Variants in CPAMD8 observed in about 807,000 individuals in gnomAD.
The protein encoded by CPAMD8 is C3 and PZP-like alpha-2-macroglobulin domain-containing protein 8.
Under a neutral mutation model 224.7 loss-of-function variants are expected in CPAMD8, and 146 were observed. The observed-to-expected ratio is 0.65, with a 90% CI of 0.57 to 0.75. CPAMD8 has a LOEUF of 0.75. CPAMD8 is among the 30% of genes least tolerant of loss of function. The pLI, the probability that CPAMD8 is intolerant of heterozygous loss-of-function variation, is 0.00. For synonymous variants in CPAMD8, 966 were observed against 1,044.6 expected (o/e 0.92, Z 1.45); for missense variants, 2,301 against 2,537.5 (o/e 0.91, Z 2.00).
rs1306280714 is a variant in CPAMD8 at position 16,970,912 on chromosome 19, G to A, written c.2192C>T (p.Ala731Val). ...TTACCTGGGGGGGTGCCTGGAAGGA[G>A]CCACTGCCACCAGGCTCCCTGTGTG... The part of the protein sequence containing the change: ...QPHTGSLVAV[A>V]PSRHPPRTEK... The change falls in exon 18 of 42, where the codon GCT (alanine) becomes GTT (valine). Residue 731 changes from alanine to valine, a missense_variant. By Grantham distance (64) the Ala-to-Val change is moderately conservative. Around this residue, in one of 4 missense-constraint regions of CPAMD8, gnomAD observed 1,709 missense variants for 1,753.2 expected, o/e 0.97. Coordinates refer to ENST00000443236, the MANE Select transcript of CPAMD8 (RefSeq NM_015692.5). 5.6e-6 allele frequency: 9 copies of A among 1,613,708 alleles called. No homozygotes were observed. Among genetic ancestry groups the A allele is most frequent in the African/African-American group, 4.0e-5 (3 of 74,922 alleles).
intron 41 of CPAMD8, chr19:16,895,923 AC>A (rs2051951866): frequency 1.7e-6 from 1 of 594,772 alleles, no homozygotes; most frequent in African/African-American, 2.0e-5. Context: ...ACACACACAC[AC>A]ACACGCGCGC....
chr19:16,990,980 GA>G (rs2055929029), intron 12 of CPAMD8, among the ~76,000 whole-genome samples: 1 of 151,784 alleles, frequency 6.6e-6, no homozygotes, highest in African/African-American at 2.4e-5. Flanking sequence ...CCAGTTGTGT[GA>G]TTAGATGGCT....
intron 18 of CPAMD8, 41 bp from the exon 19 acceptor site, chr19:16,957,956 A>G (rs916592009): frequency 6.4e-6 from 10 of 1,573,428 alleles, no homozygotes; most frequent in South Asian, 2.2e-5. Context: ...TTTCATGAAC[A>G]TAACAAATCT....
chr19:16,916,766 G>GATAAA (rs1465916666), intron 27 of CPAMD8, among the ~76,000 whole-genome samples: 34 of 151,894 alleles, frequency 2.2e-4, no homozygotes, highest in African/African-American at 7.7e-4. Context: ...TAAATAAATA[G>GATAAA]ATAAAATAAA....
In CPAMD8 at chr19:16,952,173, A is replaced by C; in HGVS notation, c.2304T>G (p.Ser768Arg). Residue 768 changes from serine (S) to arginine (R), a missense_variant, in exon 20 of 42, where the codon AGT becomes AGG. Physicochemically the swap from Ser to Arg is moderately radical, Grantham distance 110 (BLOSUM62 -1). Coordinates refer to ENST00000443236, the MANE Select transcript of CPAMD8 (RefSeq NM_015692.5). ...ISDPSGEGTL[S>R]VKVPDSITSW... Reference sequence around the variant, plus strand: ...TGGTGATGGAGTCCGGGACCTTCACACTGAGTGTCCCCTCACCAGATGGGT... The same window carrying C: ...TGGTGATGGAGTCCGGGACCTTCACCCTGAGTGTCCCCTCACCAGATGGGT... 1 of 1,545,840 alleles carries C rather than the reference A, an allele frequency of 6.5e-7. No homozygotes were observed. Among genetic ancestry groups the C allele is most frequent in the South Asian group, 1.2e-5 (1 of 83,932 alleles).
intron 22 of CPAMD8, among the ~76,000 whole-genome samples, chr19:16,938,662 G>A (rs1292284171): frequency 1.3e-5 from 2 of 152,120 alleles, no homozygotes; most frequent in African/African-American, 4.8e-5. Context: ...GGGAAACTGA[G>A]GCTGCTCCCC....
At chr19:16,996,787 C>A (rs2056138032) in intron 11 of CPAMD8, among the ~76,000 whole-genome samples, 1 of 147,394 alleles carries the variant, frequency 6.8e-6, no homozygotes, top group Non-Finnish European at 1.5e-5. Context: ...CCACTGCACT[C>A]CAGCCTGGGC....
intron 19 of CPAMD8, among the ~76,000 whole-genome samples, chr19:16,954,404 C>A (rs2122409316): frequency 6.6e-6 from 1 of 151,690 alleles, no homozygotes; most frequent in East Asian, 1.9e-4. Flanking sequence ...AGATTGGAAC[C>A]CTGGTACACT....
In CPAMD8 at chr19:16,970,750, A is replaced by G. The variant is rs112307887; in HGVS notation, c.2213+141T>C. On this transcript the variant is annotated intron_variant, in intron 18 of 41. Transcript: ENST00000443236. ...TGTTCTTGGACTTCCAAGCCCCAAG[A>G]ACCATGTGAAATAAATTTCAGTTGT... The G allele has an allele frequency of 8.8e-6, 7 of 796,618 alleles. No homozygotes were observed. The African/African-American group carries it at 1.2e-4, about 14-fold the overall frequency. 49.3% of individuals were successfully genotyped at this position (796,618 alleles called of 1,614,324 possible). A position where few individuals can be genotyped will look rare whatever the true frequency, so the allele number is the denominator to read the frequency against.
At chr19:16,997,648 C>T (rs986952699) in intron 10 of CPAMD8, among the ~76,000 whole-genome samples, 6 of 151,546 alleles carry the variant, frequency 4.0e-5, no homozygotes, top group African/African-American at 1.2e-4. Flanking sequence ...GTCAGGAGTT[C>T]GATATCAGTC....
At chr19:16,930,256 A>C (rs1255699223) in intron 23 of CPAMD8, among the ~76,000 whole-genome samples, 2 of 141,130 alleles carry the variant, frequency 1.4e-5, no homozygotes. Context: ...ACTCCATCTC[A>C]AAAAAAAAAG....
intron 29 of CPAMD8, among the ~76,000 whole-genome samples, chr19:16,911,499 C>T (rs1336926136): frequency 6.6e-6 from 1 of 151,758 alleles, no homozygotes; most frequent in African/African-American, 2.4e-5. Flanking sequence ...GTAGCTGGGA[C>T]TTCAGGCATG....
chr19:17,006,639 C>T (rs756645822), intron 7 of CPAMD8, among the ~76,000 whole-genome samples: 5 of 152,212 alleles, frequency 3.3e-5, no homozygotes, highest in Admixed American at 3.3e-4. Context: ...TGTCCCCCAT[C>T]TCCAACCTCA....
At chr19:16,921,063 G>A (rs1354184406) in intron 27 of CPAMD8, among the ~76,000 whole-genome samples, 1 of 152,062 alleles carries the variant, frequency 6.6e-6, no homozygotes, top group Non-Finnish European at 1.5e-5. Flanking sequence ...AGGGCCCTGG[G>A]ACTAGAGCTG....
intron 29 of CPAMD8, among the ~76,000 whole-genome samples, chr19:16,909,280 C>A (rs766800000): frequency 2.0e-5 from 3 of 152,136 alleles, no homozygotes; most frequent in Non-Finnish European, 2.9e-5. Context: ...CACGGTGGCT[C>A]ACGCCTGTAA....
intron 8 of CPAMD8, among the ~76,000 whole-genome samples, chr19:17,003,949 C>A (rs940070148): frequency 6.6e-6 from 1 of 151,664 alleles, no homozygotes; most frequent in Non-Finnish European, 1.5e-5. Context: ...CCCTGTCGCC[C>A]AGGCTGGAGC....
intron 3 of CPAMD8, among the ~76,000 whole-genome samples, chr19:17,012,077 T>C (rs1278871766): frequency 6.6e-6 from 1 of 152,258 alleles, no homozygotes; most frequent in East Asian, 1.9e-4. Context: ...TGGAGTGTAG[T>C]GGCACTATCT....
At chr19:16,990,516 A>G (rs2122895936) in intron 12 of CPAMD8, among the ~76,000 whole-genome samples, 1 of 152,146 alleles carries the variant, frequency 6.6e-6, no homozygotes, top group African/African-American at 2.4e-5. Flanking sequence ...CTATGATCAC[A>G]CCATTGCACT....
intron 27 of CPAMD8, among the ~76,000 whole-genome samples, chr19:16,916,929 A>C (rs2052984055): frequency 6.6e-6 from 1 of 152,126 alleles, no homozygotes; most frequent in African/African-American, 2.4e-5. Context: ...GCACACTGCA[A>C]CCAGGGGGAA....
Sources: allele counts gnomAD v4.1 joint callset (sites outside exome capture counted in the v4.1 genomes callset), GRCh38; gene constraint gnomAD v4.1.1; regional missense constraint gnomAD v4.1.1; transcripts MANE v1.5; gene names NCBI Gene and HGNC (gene_info 2026-07-23, HGNC 2026-07-21).